SMG6: variants seen among roughly 807,000 people sequenced by gnomAD.
SMG6 encodes telomerase-binding protein EST1A.
In SMG6, 66 loss-of-function variants were observed where a neutral mutation model predicts 142.2. The observed-to-expected ratio is 0.46, with a 90% CI of 0.38 to 0.57. SMG6 has a LOEUF of 0.57. Ranked by LOEUF, SMG6 falls within the 20% of genes least tolerant of loss-of-function variation. The pLI is 0.00. For missense variants in SMG6, 1,793 were observed against 1,832.0 expected (o/e 0.98, Z 0.39); for synonymous variants, 779 against 702.4 (o/e 1.11, Z -1.72).
intron 13 of SMG6, among the ~76,000 whole-genome samples, chr17:2,124,912 A>C (rs1169049905): frequency 6.6e-6 from 1 of 152,208 alleles, no homozygotes; most frequent in Non-Finnish European, 1.5e-5. Context: ...ATTGGCACCG[A>C]AAGGCATTTT....
intron 13 of SMG6, among the ~76,000 whole-genome samples, chr17:2,136,493 C>T (rs893155939): frequency 1.3e-5 from 2 of 152,156 alleles, no homozygotes; most frequent in Non-Finnish European, 2.9e-5. Context: ...GTTTCCTTTT[C>T]GCCTGCTCCT....
At chr17:2,244,962 C>G (rs2073896325) in intron 8 of SMG6, 3 of 541,032 alleles carry the variant, frequency 5.5e-6, no homozygotes, top group South Asian at 2.4e-5. Context: ...GGCAGTGGCA[C>G]CTGTGTGCAG....
At chr17:2,180,609 C>T (rs1171090945) in intron 12 of SMG6, among the ~76,000 whole-genome samples, 1 of 152,142 alleles carries the variant, frequency 6.6e-6, no homozygotes, top group East Asian at 1.9e-4. Context: ...GGAAGAGGAG[C>T]ATGGGCAAAG....
chr17:2,088,957 C>A (rs1400453829), intron 13 of SMG6, among the ~76,000 whole-genome samples: 1 of 152,184 alleles, frequency 6.6e-6, no homozygotes, highest in East Asian at 1.9e-4. Flanking sequence ...AGGGAAAAAG[C>A]AACACAAGAC....
chr17:2,063,446 G>T (rs548479277), intron 18 of SMG6, among the ~76,000 whole-genome samples: 1 of 152,378 alleles, frequency 6.6e-6, no homozygotes, highest in African/African-American at 2.4e-5. Context: ...ATGTCATTCT[G>T]ATAGGGGCGG....
intron 13 of SMG6, chr17:2,087,812 A>G: frequency 3.0e-6 from 3 of 985,770 alleles, no homozygotes; most frequent in East Asian, 1.1e-4. Context: ...CCAGCCTCTC[A>G]CTTGCATAGG....
chr17:2,165,833 A>T (rs983891739), intron 13 of SMG6, among the ~76,000 whole-genome samples: 1 of 152,148 alleles, frequency 6.6e-6, no homozygotes, highest in Admixed American at 6.5e-5. Flanking sequence ...TTAACCCAGG[A>T]GGTCGAGACT....
intron 13 of SMG6, among the ~76,000 whole-genome samples, chr17:2,111,787 A>C (rs2069329017): frequency 6.6e-6 from 1 of 152,146 alleles, no homozygotes; most frequent in African/African-American, 2.4e-5. Flanking sequence ...TGTTAGCTAC[A>C]CAGTTTGAAG....
intron 12 of SMG6, among the ~76,000 whole-genome samples, chr17:2,174,590 C>T (rs1467904194): frequency 6.6e-6 from 1 of 152,168 alleles, no homozygotes; most frequent in Non-Finnish European, 1.5e-5. Flanking sequence ...GGCACATAAT[C>T]AACACACGTG....
At chr17:2,181,669 A>C (rs551890405) in intron 12 of SMG6, among the ~76,000 whole-genome samples, 14 of 152,344 alleles carry the variant, frequency 9.2e-5, no homozygotes, top group African/African-American at 3.4e-4. Context: ...CAAATGTCCC[A>C]ACCCCCTCTG....
In SMG6 at chr17:2,299,093, A is replaced by G. The variant is rs762202508; in HGVS notation, c.1660T>C (p.Tyr554His). The change falls in exon 2 of 19, where the codon TAT (tyrosine) becomes CAT (histidine). Residue 554 changes from tyrosine (Y) to histidine (H), a missense_variant. Tyr to His is a moderately conservative substitution (Grantham distance 83). This residue lies in a region of SMG6 where 1,597 missense variants were observed against 1,584.6 expected (regional missense o/e 1.01). Transcript: ENST00000263073. This position sits in a 1 kb window ranked among gnomAD's most constrained non-coding sequence, Gnocchi z 4.3. Reference protein sequence around the residue: ...YPGYPTPSGQYVCSPLPTSTM... With the variant: ...YPGYPTPSGQHVCSPLPTSTM... ...CTGGTAGGTAGAGGGCTACACACAT[A>G]CTGTCCTGACGGAGTCGGGTAGCCT... is the stretch of plus-strand genomic sequence containing the variant. The G allele has an allele frequency of 5.0e-6, 8 of 1,614,050 alleles. No individual in the cohort carries two copies. In the South Asian group the frequency reaches 7.7e-5, roughly 16 times the overall value.
intron 12 of SMG6, among the ~76,000 whole-genome samples, chr17:2,174,539 C>G (rs1213867787): frequency 6.6e-6 from 1 of 152,176 alleles, no homozygotes; most frequent in Non-Finnish European, 1.5e-5. Flanking sequence ...TCAAGAGTGT[C>G]CTGGGAACCA....
chr17:2,272,153 C>T (rs1452936596), intron 8 of SMG6, among the ~76,000 whole-genome samples: 1 of 152,212 alleles, frequency 6.6e-6, no homozygotes, highest in Non-Finnish European at 1.5e-5. Flanking sequence ...CTCCTCTCTA[C>T]CCTCCAACTT....
intron 8 of SMG6, among the ~76,000 whole-genome samples, chr17:2,253,119 TTTTATTTATTTATTTA>T (rs10528623): frequency 7.7e-6 from 1 of 130,652 alleles, no homozygotes; most frequent in African/African-American, 3.0e-5. Flanking sequence ...AAATATTTTA[TTTTATTTATTTATTTA>T]TTTATTTATT....
chr17:2,083,711 TG>T (rs1182293857), intron 14 of SMG6, among the ~76,000 whole-genome samples: 1 of 152,156 alleles, frequency 6.6e-6, no homozygotes. Flanking sequence ...GCCTAGCCCA[TG>T]GGGGAACACT....
intron 4 of SMG6, among the ~76,000 whole-genome samples, chr17:2,295,235 G>A (rs999030695): frequency 6.6e-6 from 1 of 152,126 alleles, no homozygotes; most frequent in Non-Finnish European, 1.5e-5. Flanking sequence ...AAAAAGGCAA[G>A]AGGAAGCCTC....
chr17:2,299,707 G>A lies in SMG6; in HGVS notation c.1046C>T (p.Thr349Ile), dbSNP rs749985029. The change falls in exon 2 of 19, where the codon ACT becomes ATT. Residue 349 changes from threonine (T) to isoleucine (I), a missense_variant. Transcript: ENST00000263073. This position sits in a 1 kb window ranked among gnomAD's most constrained non-coding sequence, Gnocchi z 4.3. ...QKNSAKEYRG[T>I]LRVTFDAEAM... ...TTCTGCATCGAAAGTGACACGAAGA[G>A]TGCCTCGATATTCTTTAGCACTGTT... 1 of 1,614,204 alleles carries A rather than the reference G, an allele frequency of 6.2e-7. No homozygotes were observed. The highest frequency in any genetic ancestry group is 1.1e-5 in the South Asian group (1 of 91,088).
chr17:2,299,603 T>C lies in SMG6; in HGVS notation c.1150A>G (p.Ser384Gly). ...DRGKPDKGLS[S>G]GGKGSEKQES... ...TGCTTCTCAGAGCCTTTGCCCCCAC[T>C]GCTCAAGCCTTTGTCAGGCTTTCCT... The change falls in exon 2 of 19, where the codon AGT becomes GGT. Residue 384 changes from serine to glycine, a missense_variant. Transcript: ENST00000263073. The surrounding 1 kb of genome is among the most constrained non-coding windows in gnomAD (Gnocchi z 4.3). The C allele has an allele frequency of 4.3e-6, 7 of 1,614,202 alleles. No homozygotes were observed. Among genetic ancestry groups the C allele is most frequent in the Non-Finnish European group, 5.9e-6 (7 of 1,180,038 alleles).
At chr17:2,095,059 G>A (rs905851495) in intron 13 of SMG6, 4 of 152,222 alleles carry the variant, frequency 2.6e-5, no homozygotes, top group African/African-American at 9.6e-5. Context: ...CAGGGGTTAA[G>A]GACGGATATT....
Sources: gnomAD v4.1 joint callset for allele counts (sites outside exome capture counted in the v4.1 genomes callset) on GRCh38, gnomAD v4.1.1 for gene constraint, gnomAD v4.1.1 regional missense constraint, Gnocchi (gnomAD v3.1) non-coding constraint, MANE v1.5 for transcripts, NCBI Gene and HGNC (gene_info 2026-07-23, HGNC 2026-07-21) for gene names.